ILRUN: variants seen among roughly 807,000 people sequenced by gnomAD.
The protein encoded by ILRUN is inflammation and lipid regulator with UBA-like and NBR1-like domains.
Under a neutral mutation model 33.8 loss-of-function variants are expected in ILRUN, and 3 were observed. The ratio of observed to expected loss-of-function variants is 0.09; its 90% CI spans 0.04 to 0.23. The LOEUF is 0.23. ILRUN is among the 10% of genes least tolerant of loss of function. The pLI is 1.00. For missense variants in ILRUN, 210 were observed against 375.1 expected (o/e 0.56, Z 3.64); for synonymous variants, 124 against 138.9 (o/e 0.89, Z 0.75).
At chr6:34,668,006 G>T (rs1409060892) in intron 1 of ILRUN, among the ~76,000 whole-genome samples, 1 of 152,170 alleles carries the variant, frequency 6.6e-6, no homozygotes, top group Non-Finnish European at 1.5e-5. Flanking sequence ...TTCCTTCAGA[G>T]TGACAATAGT....
rs146803021 is a variant in ILRUN, at chr6:34,650,401, ATTTATTTTTATT to A, written c.314-3615_314-3604del. ...AAATATTAGGAGCTTAATTTTATTT[ATTTATTTTTATT>A]TATTTATTTATTTATTTATTTATTT... On this transcript the variant is annotated intron_variant, in intron 2 of 4. Transcript: ENST00000374023. 1.4e-5 allele frequency among the ~76,000 whole-genome samples: 2 copies of A among 139,276 alleles called. 1 individual carries two copies. The highest frequency in any genetic ancestry group is 5.5e-5 in the African/African-American group (2 of 36,458). The allele number at this position is 139,276 out of a possible 152,430, so 91.4% of individuals were successfully genotyped here.
At chr6:34,607,825 T>G (rs1582039515) in intron 3 of ILRUN, among the ~76,000 whole-genome samples, 1 of 152,160 alleles carries the variant, frequency 6.6e-6, no homozygotes, top group African/African-American at 2.4e-5. Flanking sequence ...CAGGCCAGAT[T>G]TCATGTCTGT....
At chr6:34,591,612 G>A (rs1049345072) in intron 4 of ILRUN, among the ~76,000 whole-genome samples, 6 of 150,864 alleles carry the variant, frequency 4.0e-5, no homozygotes, top group African/African-American at 1.5e-4. Context: ...CCATTCTCCT[G>A]CCTCAGCCTC....
At chr6:34,642,671 T>G (rs1012679549) in intron 3 of ILRUN, among the ~76,000 whole-genome samples, 5 of 151,840 alleles carry the variant, frequency 3.3e-5, no homozygotes, top group Non-Finnish European at 5.9e-5. Context: ...CTTGTCAACT[T>G]TCTAGAGGGC....
intron 3 of ILRUN, among the ~76,000 whole-genome samples, chr6:34,636,151 G>A (rs1221456198): frequency 6.6e-6 from 1 of 152,116 alleles, no homozygotes; most frequent in Non-Finnish European, 1.5e-5. Context: ...GTGAGACTGA[G>A]GTGGGAGGAC....
Position 34,673,827 on chromosome 6 carries a change from C to CCACACACA in ILRUN, c.159-19049_159-19048insTGTGTGTG, listed in dbSNP as rs537172828. On this transcript the variant is annotated intron_variant, in intron 1 of 4. Transcript: ENST00000374023. ...GATCCTGTCTCAAAAACAGTAACAA[C>CCACACACA]CACATACACACACACACACACACAC... Among the ~76,000 whole-genome samples the CCACACACA allele has an allele frequency of 4.8e-4, 52 of 107,732 alleles. No individual in the cohort carries two copies. The Middle Eastern group carries it at 0.015, about 30-fold the overall frequency. The allele number at this position is 107,732 out of a possible 152,430, so 70.7% of individuals were successfully genotyped here.
At chr6:34,647,938 A>G (rs542662417) in intron 2 of ILRUN, among the ~76,000 whole-genome samples, 1 of 152,314 alleles carries the variant, frequency 6.6e-6, no homozygotes, top group South Asian at 2.1e-4. Flanking sequence ...ACCTCAGGTG[A>G]TCTGCCTGCC....
intron 4 of ILRUN, among the ~76,000 whole-genome samples, chr6:34,598,083 C>A (rs974871525): frequency 6.6e-6 from 1 of 152,184 alleles, no homozygotes; most frequent in Non-Finnish European, 1.5e-5. Context: ...ATAGTAAATG[C>A]TTTGAAGATA....
intron 3 of ILRUN, among the ~76,000 whole-genome samples, chr6:34,623,824 C>T (rs757214456): frequency 9.9e-5 from 15 of 151,952 alleles, no homozygotes; most frequent in Non-Finnish European, 1.8e-4. Context: ...TATTCTTACT[C>T]CTCCAATACT....
At chr6:34,691,440 T>C (rs1763647309) in intron 1 of ILRUN, among the ~76,000 whole-genome samples, 1 of 152,236 alleles carries the variant, frequency 6.6e-6, no homozygotes, top group South Asian at 2.1e-4. Context: ...GCAGCATGGC[T>C]GCCAGCTCAG....
chr6:34,677,947 C>CAA (rs200840957), intron 1 of ILRUN, among the ~76,000 whole-genome samples: 12,442 of 73,568 alleles, frequency 0.17, 596 homozygotes, highest in African/African-American at 0.2. Flanking sequence ...ATCCTGCCTC[C>CAA]AAAAAAAAAA....
At chr6:34,649,224 T>C (rs1762613425) in intron 2 of ILRUN, among the ~76,000 whole-genome samples, 1 of 152,204 alleles carries the variant, frequency 6.6e-6, no homozygotes, top group African/African-American at 2.4e-5. Context: ...ATACAATTCT[T>C]ATAGTCACAA....
intron 4 of ILRUN, among the ~76,000 whole-genome samples, chr6:34,604,002 T>G (rs575230759): frequency 6.6e-6 from 1 of 152,332 alleles, no homozygotes; most frequent in African/African-American, 2.4e-5. Context: ...CTTTCTAAGA[T>G]TCTGCTTAGA....
Position 34,667,871 on chromosome 6 carries a change from C to T in ILRUN, c.159-13092G>A, listed in dbSNP as rs2815002. ...ATAGAAGTCTAAAGAGACATGATAA[C>T]CAAAGATAACATAAGATCCCTGAGA... On this transcript the variant is annotated intron_variant, in intron 1 of 4. Transcript: ENST00000374023. Among the ~76,000 whole-genome samples, 1,333 of 152,016 alleles carry T rather than the reference C, an allele frequency of 8.8e-3. 10 individuals carry two copies. Among genetic ancestry groups the T allele is most frequent in the Middle Eastern group, 0.034 (10 of 294 alleles).
chr6:34,626,156 CA>C (rs1290579094), intron 3 of ILRUN, among the ~76,000 whole-genome samples: 1 of 151,934 alleles, frequency 6.6e-6, no homozygotes, highest in Non-Finnish European at 1.5e-5. Flanking sequence ...GGCCAGGAGG[CA>C]TTTTTTAACA....
chr6:34,681,114 A>G (rs770098402), intron 1 of ILRUN, among the ~76,000 whole-genome samples: 3 of 152,160 alleles, frequency 2.0e-5, no homozygotes, highest in Non-Finnish European at 2.9e-5. Context: ...AAAGCACTTT[A>G]GAAGCACATC....
intron 4 of ILRUN, among the ~76,000 whole-genome samples, chr6:34,594,886 A>T (rs974356184): frequency 3.3e-5 from 5 of 152,156 alleles, no homozygotes; most frequent in African/African-American, 9.7e-5. Flanking sequence ...TTAAAAAAAA[A>T]TTTTGTTGTT....
intron 4 of ILRUN, among the ~76,000 whole-genome samples, chr6:34,591,182 T>G (rs1306719005): frequency 6.6e-6 from 1 of 152,146 alleles, no homozygotes; most frequent in East Asian, 1.9e-4. Context: ...CTGCAGAGAA[T>G]AAGACTTGTT....
chr6:34,659,130 G>C (rs1295260142), intron 1 of ILRUN, among the ~76,000 whole-genome samples: 4 of 152,200 alleles, frequency 2.6e-5, no homozygotes, highest in Non-Finnish European at 5.9e-5. Flanking sequence ...GCTAACCAGG[G>C]ACATTCAAAC....
Sources: gnomAD v4.1 joint callset for allele counts (sites outside exome capture counted in the v4.1 genomes callset) on GRCh38, gnomAD v4.1.1 for gene constraint, MANE v1.5 for transcripts, NCBI Gene and HGNC (gene_info 2026-07-23, HGNC 2026-07-21) for gene names.